Variants in RNF32 observed in about 807,000 individuals in gnomAD.
RNF32 encodes the protein ring finger protein 32.
Under a neutral mutation model 41.0 loss-of-function variants are expected in RNF32, and 36 were observed. The observed-to-expected ratio is 0.88, with a 90% CI of 0.67 to 1.16. RNF32 has a LOEUF of 1.16. Ranked by LOEUF, RNF32 falls within the 50% of genes most tolerant of loss-of-function variation. RNF32 has a pLI of 0.00. For missense variants in RNF32, 413 were observed against 436.7 expected (o/e 0.95, Z 0.48); for synonymous variants, 154 against 160.9 (o/e 0.96, Z 0.32).
chr7:156,657,220 C>T (rs1249101434), intron 4 of RNF32, among the ~76,000 whole-genome samples: 1 of 152,184 alleles, frequency 6.6e-6, no homozygotes, highest in Admixed American at 6.5e-5. Context: ...CTCCTCACCC[C>T]TCCAGTTTGC....
intron 3 of RNF32, among the ~76,000 whole-genome samples, chr7:156,648,209 G>A (rs75567524): frequency 0.012 from 1,869 of 152,232 alleles, 36 homozygotes; most frequent in African/African-American, 0.042. Context: ...GTTGAGGATG[G>A]CGTGTCTTGG....
intron 7 of RNF32, 61 bp from the exon 8 acceptor site, chr7:156,675,635 G>A (rs1214038439): frequency 1.2e-5 from 17 of 1,449,490 alleles, no homozygotes; most frequent in Middle Eastern, 3.5e-4. Context: ...GCTCGAGAGC[G>A]CTTCCCTGCA....
intron 4 of RNF32, 124 bp from the exon 5 acceptor site, chr7:156,657,417 T>A: frequency 1.1e-6 from 1 of 878,040 alleles, no homozygotes; most frequent in Non-Finnish European, 1.9e-6. Context: ...AATATCAAAG[T>A]TATTAATTTG....
chr7:156,647,684 T>C (rs1414313580), intron 3 of RNF32, among the ~76,000 whole-genome samples: 1 of 152,226 alleles, frequency 6.6e-6, no homozygotes, highest in Non-Finnish European at 1.5e-5. Context: ...TTCTTTTCCT[T>C]TGGGTAGACA....
chr7:156,644,499 G>GGTCAC lies in RNF32; in HGVS notation c.17_21dup (p.Ser8ValfsTer47). On this transcript the variant is annotated frameshift_variant and splice_region_variant, in exon 3 of 9. Coordinates refer to ENST00000317955, the MANE Select transcript of RNF32 (RefSeq NM_030936.4). LOFTEE classifies it high-confidence loss of function. ...ATATGACTTTTTTCCTACTTTTTAG[G>GGTCAC]GTCACTCATCTAAGAAAGATAACTT... 6.2e-7 allele frequency: 1 copy of GGTCAC among 1,606,530 alleles called. No individual in the cohort carries two copies. The highest frequency in any genetic ancestry group is 8.5e-7 in the Non-Finnish European group (1 of 1,176,298).
intron 7 of RNF32, among the ~76,000 whole-genome samples, chr7:156,675,181 G>A (rs1483860097): frequency 2.0e-5 from 3 of 152,236 alleles, no homozygotes; most frequent in Non-Finnish European, 4.4e-5. Context: ...ACGCCTGAGC[G>A]CTTTCTATGC....
rs1269585514 is a variant in RNF32, at chr7:156,670,466, G to A, written c.685-5230G>A. ...AGAAAAGAGAACACGTGGGACAGAG[G>A]CAACAGCTTGAAGCAACAAAGGCTA... On this transcript the variant is annotated intron_variant, in intron 7 of 8. Coordinates refer to ENST00000317955, the MANE Select transcript of RNF32 (RefSeq NM_030936.4). This position sits in a 1 kb window ranked among gnomAD's most constrained non-coding sequence, Gnocchi z 4.3. Among the ~76,000 whole-genome samples, 4 of 152,206 alleles carry A rather than the reference G, an allele frequency of 2.6e-5. No homozygotes were observed. Among genetic ancestry groups the A allele is most frequent in the Non-Finnish European group, 5.9e-5 (4 of 68,040 alleles).
chr7:156,650,949 G>T (rs1209097669), intron 3 of RNF32, among the ~76,000 whole-genome samples: 1 of 152,130 alleles, frequency 6.6e-6, no homozygotes, highest in Non-Finnish European at 1.5e-5. Context: ...AACCCTGCGG[G>T]TCTCCATTTA....
intron 7 of RNF32, among the ~76,000 whole-genome samples, chr7:156,674,928 G>A (rs1803471700): frequency 6.6e-6 from 1 of 152,150 alleles, no homozygotes; most frequent in African/African-American, 2.4e-5. Flanking sequence ...TCCTGCTAAT[G>A]GTCAAAGCTC....
intron 7 of RNF32, among the ~76,000 whole-genome samples, chr7:156,668,723 G>A (rs1465135581): frequency 6.6e-6 from 1 of 152,210 alleles, no homozygotes; most frequent in African/African-American, 2.4e-5. Flanking sequence ...GGAGCTCTCT[G>A]TTAAAGGAAC....
chr7:156,666,561 GT>G (rs1232035880), intron 7 of RNF32, among the ~76,000 whole-genome samples: 1 of 152,216 alleles, frequency 6.6e-6, no homozygotes, highest in Non-Finnish European at 1.5e-5. Flanking sequence ...CAGATGTTGA[GT>G]TTTGTACCCT....
Position 156,657,528 on chromosome 7 carries a change from T to C in RNF32, c.418-13T>C, listed in dbSNP as rs1339926194. Reference sequence around the variant, plus strand: ...TTGTAAACTTCAACGTCGTTCTGTTTCCTCATGAACAGGTGCTGCTTTCAT... The same window carrying C: ...TTGTAAACTTCAACGTCGTTCTGTTCCCTCATGAACAGGTGCTGCTTTCAT... On this transcript the variant is annotated splice_polypyrimidine_tract_variant and intron_variant, in intron 4 of 8. Coordinates refer to ENST00000317955, the MANE Select transcript of RNF32 (RefSeq NM_030936.4). 1 of 1,614,114 alleles carries C rather than the reference T, an allele frequency of 6.2e-7. No homozygotes were observed. The highest frequency in any genetic ancestry group is 1.7e-5 in the Admixed American group (1 of 60,022).
chr7:156,645,393 T>C (rs1797852255), intron 3 of RNF32, among the ~76,000 whole-genome samples: 1 of 152,236 alleles, frequency 6.6e-6, no homozygotes, highest in Admixed American at 6.5e-5. Context: ...TACCAAAATG[T>C]ATATCTGAAT....
chr7:156,676,262 T>A (rs932011058), intron 8 of RNF32, 157 bp from the exon 9 acceptor site: 2 of 1,546,586 alleles, frequency 1.3e-6, no homozygotes, highest in Non-Finnish European at 1.7e-6. Flanking sequence ...TATATGTATA[T>A]ATATAAATAA....
chr7:156,643,122 T>A (rs1249295643), intron 1 of RNF32: 1 of 152,250 alleles, frequency 6.6e-6, no homozygotes, highest in Non-Finnish European at 1.5e-5. Context: ...CTTTAGATAC[T>A]TCAAAGGTTG....
rs780778059 is a variant in RNF32 at position 156,658,426 on chromosome 7, T to A, written c.576-36T>A. ...TGAAGTATTGGTTGACATAGAGTCATCATAAATTAGTCATTTTCAAATATC... is the reference window on the plus strand; with the variant it reads ...TGAAGTATTGGTTGACATAGAGTCAACATAAATTAGTCATTTTCAAATATC... On this transcript the variant is annotated intron_variant, in intron 6 of 8. Transcript: ENST00000317955. 3.9e-6 allele frequency: 6 copies of A among 1,558,372 alleles called. No homozygotes were observed. The South Asian group carries it at 6.7e-5, about 17-fold the overall frequency.
chr7:156,651,119 A>G (rs1302776298), intron 3 of RNF32, among the ~76,000 whole-genome samples: 1 of 152,066 alleles, frequency 6.6e-6, no homozygotes, highest in African/African-American at 2.4e-5. Context: ...ATTATAACAG[A>G]AAGTGTAGCA....
chr7:156,675,463 A>AGTG (rs1174068868), intron 7 of RNF32, among the ~76,000 whole-genome samples: 1 of 152,118 alleles, frequency 6.6e-6, no homozygotes, highest in Non-Finnish European at 1.5e-5. Flanking sequence ...AAGGTGCCGT[A>AGTG]TTTTGGGGTA....
Position 156,658,217 on chromosome 7 carries a change from T to C in RNF32, c.540T>C (p.Asp180=). Residue 180 remains aspartate (D), a synonymous_variant, in exon 6 of 9, where the codon GAT becomes GAC. Transcript: ENST00000317955. ...AGTATCAAACCCGAGTGATACACGA[T>C]GGGGCCCGCCTGTTCAGAATCAAGT... The part of the protein sequence containing the change: ...KNQYQTRVIH[D]GARLFRIKCV... The C allele has an allele frequency of 7.4e-6, 12 of 1,614,204 alleles. No individual in the cohort carries two copies. Among genetic ancestry groups the C allele is most frequent in the African/African-American group, 1.3e-5 (1 of 75,046 alleles).
Sources: allele counts gnomAD v4.1 joint callset (sites outside exome capture counted in the v4.1 genomes callset), GRCh38; gene constraint gnomAD v4.1.1; non-coding constraint Gnocchi (gnomAD v3.1); transcripts MANE v1.5; gene names NCBI Gene and HGNC (gene_info 2026-07-23, HGNC 2026-07-21).